Variants in ACOT6 observed in about 807,000 individuals in gnomAD.
ACOT6 encodes acyl-coenzyme A thioesterase 6.
A neutral mutation model predicts 12.3 loss-of-function variants in ACOT6; 14 were observed. The ratio of observed to expected loss-of-function variants is 1.14; its 90% CI spans 0.75 to 1.78. The LOEUF (loss-of-function observed/expected upper bound fraction) is 1.78, where lower values mean the gene tolerates loss of function less well. Among genes scored for constraint, ACOT6 ranks in the 40% most tolerant of loss-of-function variants. The pLI is 0.00. For missense variants in ACOT6, 523 were observed against 551.8 expected (o/e 0.95, Z 0.52); for synonymous variants, 218 against 231.3 (o/e 0.94, Z 0.52).
intron 1 of ACOT6, among the ~76,000 whole-genome samples, chr14:73,614,921 AC>A (rs1171056343): frequency 1.3e-5 from 2 of 150,446 alleles, no homozygotes; most frequent in Non-Finnish European, 3.0e-5. Flanking sequence ...ACATGGTGAA[AC>A]CCCGTCTCTA....
chr14:73,612,670 G>T lies in ACOT6; in HGVS notation c.99G>T (p.Thr33=), dbSNP rs1309332484. The change falls in exon 1 of 3, where the codon ACG becomes ACT. Residue 33 remains threonine (T), a synonymous_variant. Transcript: ENST00000645972. ...VRGLAPEQPV[T]LRTSLRDEEG... ...GCCTGGCCCCGGAGCAGCCAGTCAC[G>T]CTGCGCACGTCCCTGCGCGACGAAG... is the stretch of plus-strand genomic sequence containing the variant. The T allele has an allele frequency of 2.1e-6, 3 of 1,413,864 alleles. No homozygotes were observed. The African/African-American group carries it at 4.5e-5, about 21-fold the overall frequency. 87.6% of individuals were successfully genotyped at this position (1,413,864 alleles called of 1,614,324 possible). A position where few individuals can be genotyped will look rare whatever the true frequency, so the allele number is the denominator to read the frequency against.
Position 73,617,060 on chromosome 14 carries a change from C to A in ACOT6, c.528C>A (p.Ser176Arg). The A allele has an allele frequency of 1.5e-6, 2 of 1,315,802 alleles. No homozygotes were observed. Among genetic ancestry groups the A allele is most frequent in the Middle Eastern group, 2.0e-4 (1 of 4,888 alleles). 81.5% of individuals were successfully genotyped at this position (1,315,802 alleles called of 1,614,324 possible). ...SSRGLCEYRA[S>R]LLAGHGFAVL... ...GGGGCCTTTGTGAATACAGGGCCAG[C>A]CTCCTGGCCGGACATGGTTTTGCTG... Residue 176 changes from serine to arginine, a missense_variant, in exon 2 of 3, where the codon AGC (serine) becomes AGA (arginine). Coordinates refer to ENST00000645972, the MANE Select transcript of ACOT6 (RefSeq NM_001365788.1).
Position 73,612,977 on chromosome 14 carries a change from C to G in ACOT6, c.406C>G (p.Arg136Gly). Residue 136 changes from arginine to glycine, a missense_variant, in exon 1 of 3, where the codon CGC becomes GGC. By Grantham distance (125) the Arg-to-Gly change is moderately radical. Transcript: ENST00000645972. ...CGACTTTCTCCGGCCGGGGGTGCGG[C>G]GCGAGCCGGTGCGCGCGGGCCCGGT... ...KRDFLRPGVR[R>G]EPVRAGPVRA... 1 of 1,152,810 alleles carries G rather than the reference C, an allele frequency of 8.7e-7. No homozygotes were observed. The highest frequency in any genetic ancestry group is 1.2e-6 in the Non-Finnish European group (1 of 864,024). The allele number at this position is 1,152,810 out of a possible 1,614,324, so 71.4% of individuals were successfully genotyped here.
chr14:73,617,725 T>C (rs1890563004), intron 2 of ACOT6, among the ~76,000 whole-genome samples: 1 of 152,184 alleles, frequency 6.6e-6, no homozygotes, highest in Admixed American at 6.5e-5. Context: ...TTGAGACAAC[T>C]GGAGACATTT....
chr14:73,616,966 C>A (rs1595186799), intron 1 of ACOT6, 28 bp from the exon 2 acceptor site: 1 of 627,114 alleles, frequency 1.6e-6, no homozygotes, highest in East Asian at 2.6e-5. Context: ...ACTAAAGCTC[C>A]CTGTGATTTG....
chr14:73,612,985 G>T lies in ACOT6; in HGVS notation c.414G>T (p.Pro138=). 5 of 1,084,006 alleles carry T rather than the reference G, an allele frequency of 4.6e-6. No individual in the cohort carries two copies. The highest frequency in any genetic ancestry group is 6.2e-6 in the Non-Finnish European group (5 of 801,910). 67.1% of individuals were successfully genotyped at this position (1,084,006 alleles called of 1,614,324 possible). A position where few individuals can be genotyped will look rare whatever the true frequency, so the allele number is the denominator to read the frequency against. Residue 138 remains proline (P), a synonymous_variant, in exon 1 of 3, where the codon CCG becomes CCT. Coordinates refer to ENST00000645972, the MANE Select transcript of ACOT6 (RefSeq NM_001365788.1). ...DFLRPGVRRE[P]VRAGPVRAAL... ...TCCGGCCGGGGGTGCGGCGCGAGCCGGTGCGCGCGGGCCCGGTGCGCGCCG... is the reference window on the plus strand; with the variant it reads ...TCCGGCCGGGGGTGCGGCGCGAGCCTGTGCGCGCGGGCCCGGTGCGCGCCG...
intron 2 of ACOT6, 84 bp from the exon 3 acceptor site, chr14:73,619,150 A>G (rs1890588601): frequency 6.8e-7 from 1 of 1,468,982 alleles, no homozygotes. Context: ...AAAAAGAGAA[A>G]GCTACTTGGA....
Position 73,612,733 on chromosome 14 carries a change from C to G in ACOT6, c.162C>G (p.Ala54=), listed in dbSNP as rs1890468228. The G allele has an allele frequency of 2.9e-6, 4 of 1,371,798 alleles. No individual in the cohort carries two copies. The highest frequency in any genetic ancestry group is 1.5e-5 in the African/African-American group (1 of 65,526). 85.0% of individuals were successfully genotyped at this position (1,371,798 alleles called of 1,614,324 possible). A position where few individuals can be genotyped will look rare whatever the true frequency, so the allele number is the denominator to read the frequency against. Residue 54 remains alanine (A), a synonymous_variant, in exon 1 of 3, where the codon GCC becomes GCG. Transcript: ENST00000645972. ...TCCGGGCCCACGCGCGCTACCGTGC[C>G]GACGCCCGCGACGAGCTGGACCTGG... ...ALFRAHARYR[A]DARDELDLER...
At position 73,619,433 on chromosome 14, in the gene ACOT6, C is replaced by T; in HGVS notation, c.860C>T (p.Ser287Leu). ...CTAGGAAAAGTAAAAATCACTAAGT[C>T]AGGATTTCTCACTTTTATGGACACT... Reference protein sequence around the residue: ...DDLGKVKITKSGFLTFMDTWS... With the variant: ...DDLGKVKITKLGFLTFMDTWS... The change falls in exon 3 of 3, where the codon TCA (serine) becomes TTA (leucine). Residue 287 changes from serine to leucine, a missense_variant. Physicochemically the swap from Ser to Leu is moderately radical, Grantham distance 145 (BLOSUM62 -2). Transcript: ENST00000645972. 6 of 1,614,120 alleles carry T rather than the reference C, an allele frequency of 3.7e-6. No individual in the cohort carries two copies. Among genetic ancestry groups the T allele is most frequent in the Non-Finnish European group, 5.1e-6 (6 of 1,179,996 alleles).
chr14:73,615,546 C>T (rs912623909), intron 1 of ACOT6, among the ~76,000 whole-genome samples: 1 of 151,596 alleles, frequency 6.6e-6, no homozygotes, highest in Non-Finnish European at 1.5e-5. Flanking sequence ...GCCTCACCAA[C>T]ATGGTGAAAC....
Position 73,612,785 on chromosome 14 carries a change from T to A in ACOT6, c.214T>A (p.Phe72Ile), listed in dbSNP as rs986522533. 146 of 1,363,066 alleles carry A rather than the reference T, an allele frequency of 1.1e-4. No individual in the cohort carries two copies. The Admixed American group carries it at 2.6e-3, about 25-fold the overall frequency. 84.4% of individuals were successfully genotyped at this position (1,363,066 alleles called of 1,614,324 possible). A position where few individuals can be genotyped will look rare whatever the true frequency, so the allele number is the denominator to read the frequency against. Residue 72 changes from phenylalanine (F) to isoleucine (I), a missense_variant, in exon 1 of 3, where the codon TTC becomes ATC. This residue lies in a region of ACOT6 where 304 missense variants were observed against 274.8 expected (regional missense o/e 1.11). Coordinates refer to ENST00000645972, the MANE Select transcript of ACOT6 (RefSeq NM_001365788.1). ...GCGCGCGCCCGCGCTGGGAGGCAGC[T>A]TCGCGGGGCTCCAGCCCATGGGGCT... ...LERAPALGGS[F>I]AGLQPMGLLW... is the part of the protein sequence containing the mutation.
chr14:73,619,057 G>C (rs1398973953), intron 2 of ACOT6, among the ~76,000 whole-genome samples, 177 bp from the exon 3 acceptor site: 1 of 152,126 alleles, frequency 6.6e-6, no homozygotes, highest in African/African-American at 2.4e-5. Flanking sequence ...TTGAACCCGG[G>C]AGGTGGAGGT....
Position 73,619,649 on chromosome 14 carries a change from G to C in ACOT6, c.1076G>C (p.Gly359Ala). Reference sequence around the variant, plus strand: ...CAGATAATCTGTTACCCAGAAACTGGTCACTGTATTGACCCACCTTATTTT... The same window carrying C: ...CAGATAATCTGTTACCCAGAAACTGCTCACTGTATTGACCCACCTTATTTT... The part of the protein sequence containing the change: ...RPQIICYPET[G>A]HCIDPPYFPP... Residue 359 changes from glycine (G) to alanine (A), a missense_variant, in exon 3 of 3, where the codon GGT (glycine) becomes GCT (alanine). Physicochemically the swap from Gly to Ala is moderately conservative, Grantham distance 60. This residue lies in a region of ACOT6 where 219 missense variants were observed against 277.0 expected (regional missense o/e 0.79). Coordinates refer to ENST00000645972, the MANE Select transcript of ACOT6 (RefSeq NM_001365788.1). 2 of 1,614,170 alleles carry C rather than the reference G, an allele frequency of 1.2e-6. No individual in the cohort carries two copies. Among genetic ancestry groups the C allele is most frequent in the Non-Finnish European group, 1.7e-6 (2 of 1,180,016 alleles).
At position 73,617,146 on chromosome 14, in the gene ACOT6, T is replaced by C; in HGVS notation, c.614T>C (p.Leu205Pro). The C allele has an allele frequency of 6.2e-7, 1 of 1,614,080 alleles. No individual in the cohort carries two copies. The change falls in exon 2 of 3, where the codon CTG becomes CCG. Residue 205 changes from leucine to proline, a missense_variant. Leu to Pro is a moderately conservative substitution (Grantham distance 98). Transcript: ENST00000645972. The stretch of plus-strand genomic sequence containing the variant: ...CCCGAAGATCTGAATGATGTACATC[T>C]GGAGTACTTTGAAGAAGCCGTGGAC... ...DLPEDLNDVHLEYFEEAVDFM... is the reference protein window; with the variant it reads ...DLPEDLNDVHPEYFEEAVDFM...
rs1890465550 is a variant in ACOT6 at position 73,612,650 on chromosome 14, G to A, written c.79G>A (p.Ala27Thr). The A allele has an allele frequency of 7.8e-6, 11 of 1,407,066 alleles. No homozygotes were observed. Among genetic ancestry groups the A allele is most frequent in the South Asian group, 4.5e-5 (3 of 67,376 alleles). The allele number at this position is 1,407,066 out of a possible 1,614,324, so 87.2% of individuals were successfully genotyped here. ...GCTGCGCATCGCAGTGCGCGGCCTG[G>A]CCCCGGAGCAGCCAGTCACGCTGCG... Reference protein sequence around the residue: ...EPLRIAVRGLAPEQPVTLRTS... With the variant: ...EPLRIAVRGLTPEQPVTLRTS... Residue 27 changes from alanine (A) to threonine (T), a missense_variant, in exon 1 of 3, where the codon GCC becomes ACC. By Grantham distance (58) the Ala-to-Thr change is moderately conservative (BLOSUM62 0). Coordinates refer to ENST00000645972, the MANE Select transcript of ACOT6 (RefSeq NM_001365788.1).
chr14:73,615,394 A>AC lies in ACOT6; in HGVS notation c.462-1600_462-1599insC, dbSNP rs1555399067. On this transcript the variant is annotated intron_variant, in intron 1 of 2. Transcript: ENST00000645972. ...AGAGAGAGACTCTGTCTGATAAAAA[A>AC]AAAAAAAAAAAAACAAAAAACAAAA... Among the ~76,000 whole-genome samples, 174 of 116,724 alleles carry AC rather than the reference A, an allele frequency of 1.5e-3. 7 individuals carry two copies. The highest frequency in any genetic ancestry group is 4.6e-3 in the African/African-American group (156 of 33,910). The allele number at this position is 116,724 out of a possible 152,430, so 76.6% of individuals were successfully genotyped here. A position where few individuals can be genotyped will look rare whatever the true frequency, so the allele number is the denominator to read the frequency against.
intron 1 of ACOT6, among the ~76,000 whole-genome samples, chr14:73,615,088 C>CA (rs34563327): frequency 0.52 from 72,719 of 141,122 alleles, 18,864 homozygotes; most frequent in East Asian, 0.84. Flanking sequence ...GACTCCATCT[C>CA]AAAAAAAAAA....
intron 1 of ACOT6, among the ~76,000 whole-genome samples, chr14:73,614,769 C>T (rs566441962): frequency 1.4e-4 from 20 of 142,616 alleles, no homozygotes; most frequent in Non-Finnish European, 2.9e-4. Flanking sequence ...AAAAAAATCA[C>T]ACTGACTAAG....
intron 1 of ACOT6, among the ~76,000 whole-genome samples, chr14:73,614,546 C>T (rs1246605475): frequency 6.6e-6 from 1 of 151,252 alleles, no homozygotes; most frequent in Admixed American, 6.6e-5. Context: ...TCAAGACTAG[C>T]CTGGCCAACA....
Sources: gnomAD v4.1 joint callset for allele counts (sites outside exome capture counted in the v4.1 genomes callset) on GRCh38, gnomAD v4.1.1 for gene constraint, gnomAD v4.1.1 regional missense constraint, MANE v1.5 for transcripts, NCBI Gene and HGNC (gene_info 2026-07-23, HGNC 2026-07-21) for gene names.